The following GFPT2 variants were observed in gnomAD, a reference collection of about 807,000 sequenced individuals.
GFPT2 encodes glutamine--fructose-6-phosphate aminotransferase [isomerizing] 2.
A neutral mutation model predicts 85.6 loss-of-function variants in GFPT2; 62 were observed. The ratio of observed to expected loss-of-function variants is 0.72; its 90% CI spans 0.59 to 0.90. The LOEUF (loss-of-function observed/expected upper bound fraction) is 0.90. Ranked by LOEUF, GFPT2 falls within the 40% of genes least tolerant of loss-of-function variation. The pLI is 0.00. For synonymous variants in GFPT2, 368 were observed against 344.5 expected (o/e 1.07, Z -0.75); for missense variants, 788 against 893.4 (o/e 0.88, Z 1.50).
Position 180,328,067 on chromosome 5 carries a change from GTTTC to G in GFPT2, c.596+206_596+209del, listed in dbSNP as rs1764241199. Among the ~76,000 whole-genome samples the G allele has an allele frequency of 6.8e-6, 1 of 146,760 alleles. No homozygotes were observed. The highest frequency in any genetic ancestry group is 1.5e-5 in the Non-Finnish European group (1 of 65,632). ...TTTCAAACACAAATCCAACTTTCTGGTTTCTTTTTTTTTTTTTTTAATTCAGAAG... is the reference window on the plus strand; with the variant it reads ...TTTCAAACACAAATCCAACTTTCTGGTTTTTTTTTTTTTTTAATTCAGAAG... On this transcript the variant is annotated intron_variant, in intron 7 of 18. Transcript: ENST00000253778. The surrounding 1 kb of genome is among the most constrained non-coding windows in gnomAD (Gnocchi z 5.4).
chr5:180,344,859 A>G (rs1374168396), intron 1 of GFPT2, among the ~76,000 whole-genome samples: 1 of 152,186 alleles, frequency 6.6e-6, no homozygotes, highest in East Asian at 1.9e-4. Context: ...AACGGCCATA[A>G]GAGGGCTGTA....
Position 180,328,441 on chromosome 5 carries a change from G to A in GFPT2, c.535-103C>T. The A allele has an allele frequency of 1.2e-6, 1 of 866,158 alleles. No individual in the cohort carries two copies. The highest frequency in any genetic ancestry group is 2.0e-6 in the Non-Finnish European group (1 of 512,716). The allele number at this position is 866,158 out of a possible 1,614,324, so 53.7% of individuals were successfully genotyped here. On this transcript the variant is annotated intron_variant, in intron 6 of 18. Transcript: ENST00000253778. The surrounding 1 kb of genome is among the most constrained non-coding windows in gnomAD (Gnocchi z 5.4). Reference sequence around the variant, plus strand: ...CCCTGGGCCCCTCCTGATGGCGGGAGGTCCTGGGGTCCCTCGGGGAGCTGA... The same window carrying A: ...CCCTGGGCCCCTCCTGATGGCGGGAAGTCCTGGGGTCCCTCGGGGAGCTGA...
chr5:180,340,108 T>TG (rs1470298647), intron 1 of GFPT2, among the ~76,000 whole-genome samples: 1 of 152,050 alleles, frequency 6.6e-6, no homozygotes, highest in Admixed American at 6.5e-5. Context: ...CAGTGTCTGG[T>TG]GAGGGCCCGT....
intron 1 of GFPT2, among the ~76,000 whole-genome samples, chr5:180,351,454 T>TG (rs1379168148): frequency 6.8e-6 from 1 of 146,334 alleles, no homozygotes; most frequent in African/African-American, 2.5e-5. Context: ...TCAGCAAATC[T>TG]GGGAATTCTG....
intron 15 of GFPT2, 87 bp from the exon 16 acceptor site, chr5:180,307,390 G>T: frequency 7.2e-7 from 1 of 1,380,622 alleles, no homozygotes. Flanking sequence ...GGTTTAAGAG[G>T]AGCTTTTGAA....
chr5:180,318,520 G>A lies in GFPT2; in HGVS notation c.958+273C>T, dbSNP rs1764056166. ...TGAGGGTGGGCATGTGTCCCGCGGA[G>A]TCGGTGAAGGAAGGCAGCTGACACA... On this transcript the variant is annotated intron_variant, in intron 10 of 18. Coordinates refer to ENST00000253778, the MANE Select transcript of GFPT2 (RefSeq NM_005110.4). The surrounding 1 kb of genome is among the most constrained non-coding windows in gnomAD (Gnocchi z 4.2). The A allele has an allele frequency of 2.0e-5, 9 of 450,294 alleles. No individual in the cohort carries two copies. In the South Asian group the frequency reaches 2.0e-4, roughly 10 times the overall value. The allele number at this position is 450,294 out of a possible 1,614,324, so 27.9% of individuals were successfully genotyped here. A position where few individuals can be genotyped will look rare whatever the true frequency, so the allele number is the denominator to read the frequency against.
Position 180,323,387 on chromosome 5 carries a change from T to A in GFPT2, c.794+801A>T, listed in dbSNP as rs1317401963. ...TCCTCCCTGCCTCACAGCACGGCCC[T>A]ATTAGAGGCTGGTCGGGAAAGAGAA... On this transcript the variant is annotated intron_variant, in intron 9 of 18. Coordinates refer to ENST00000253778, the MANE Select transcript of GFPT2 (RefSeq NM_005110.4). This position sits in a 1 kb window ranked among gnomAD's most constrained non-coding sequence, Gnocchi z 4.0. Among the ~76,000 whole-genome samples the A allele has an allele frequency of 6.6e-6, 1 of 152,124 alleles. No individual in the cohort carries two copies. Among genetic ancestry groups the A allele is most frequent in the Non-Finnish European group, 1.5e-5 (1 of 68,026 alleles).
intron 1 of GFPT2, among the ~76,000 whole-genome samples, chr5:180,350,764 T>G (rs1345298146): frequency 6.6e-6 from 1 of 152,148 alleles, no homozygotes; most frequent in Non-Finnish European, 1.5e-5. Flanking sequence ...ACTGAAAGTT[T>G]TTGAGAATCA....
At chr5:180,332,668 G>T (rs2127654450) in intron 4 of GFPT2, among the ~76,000 whole-genome samples, 1 of 152,192 alleles carries the variant, frequency 6.6e-6, no homozygotes, top group Non-Finnish European at 1.5e-5. Flanking sequence ...CTCCCAAGTA[G>T]CTGGAATTGC....
At chr5:180,327,599 C>T (rs879640017) in intron 7 of GFPT2, among the ~76,000 whole-genome samples, 1 of 152,228 alleles carries the variant, frequency 6.6e-6, no homozygotes, top group Non-Finnish European at 1.5e-5. Context: ...CCCTTCAAGG[C>T]AGGGACCAGG....
intron 3 of GFPT2, 49 bp from the exon 4 acceptor site, chr5:180,336,002 C>T (rs936615981): frequency 1.3e-6 from 2 of 1,521,530 alleles, no homozygotes; most frequent in Non-Finnish European, 1.8e-6. Flanking sequence ...CAAGCCTCGA[C>T]CCAGGACTGT....
intron 16 of GFPT2, 32 bp from the exon 17 acceptor site, chr5:180,304,971 TGG>T: frequency 6.7e-7 from 1 of 1,494,178 alleles, no homozygotes. Flanking sequence ...AGAGTCACAC[TGG>T]GCAGATGGGG....
chr5:180,315,281 C>T (rs1763983310), intron 13 of GFPT2, among the ~76,000 whole-genome samples: 1 of 152,000 alleles, frequency 6.6e-6, no homozygotes, highest in Non-Finnish European at 1.5e-5. Context: ...GGGTTCACGC[C>T]ATTCTCCTGC....
chr5:180,306,988 C>G (rs889599121), intron 16 of GFPT2, among the ~76,000 whole-genome samples, 188 bp downstream of exon 16: 3 of 152,242 alleles, frequency 2.0e-5, no homozygotes, highest in African/African-American at 7.2e-5. Context: ...CTGCCTCACC[C>G]ATCTCTGTGT....
At chr5:180,329,913 C>A (rs1764274684) in intron 6 of GFPT2, among the ~76,000 whole-genome samples, 1 of 152,214 alleles carries the variant, frequency 6.6e-6, no homozygotes, top group Non-Finnish European at 1.5e-5. Context: ...GTGCTCCCTT[C>A]TCAGGGACTT....
intron 15 of GFPT2, among the ~76,000 whole-genome samples, chr5:180,308,081 C>G (rs1763813333): frequency 6.6e-6 from 1 of 152,080 alleles, no homozygotes; most frequent in Non-Finnish European, 1.5e-5. Context: ...ATGGTGAGAC[C>G]TGGTATCTAC....
chr5:180,304,190 C>A (rs956163466), intron 17 of GFPT2, among the ~76,000 whole-genome samples: 2 of 152,180 alleles, frequency 1.3e-5, no homozygotes, highest in African/African-American at 4.8e-5. Context: ...AACTAGGGGT[C>A]TCTTCTTTTG....
At chr5:180,320,455 G>C (rs1187671128) in intron 9 of GFPT2, among the ~76,000 whole-genome samples, 2 of 152,150 alleles carry the variant, frequency 1.3e-5, no homozygotes, top group African/African-American at 2.4e-5. Context: ...TAAACCATCA[G>C]GTTGGGCTTG....
chr5:180,307,043 C>G lies in GFPT2; in HGVS notation c.1674+133G>C, dbSNP rs962379947. 4.4e-6 allele frequency: 3 copies of G among 678,420 alleles called. No homozygotes were observed. The South Asian group carries it at 5.6e-5, about 13-fold the overall frequency. The allele number at this position is 678,420 out of a possible 1,614,324, so 42.0% of individuals were successfully genotyped here. ...GTGGAGAGCTGGTGCTCAGCGCAGG[C>G]TCACAGGACTGGCCAAGGGGTCCTT... On this transcript the variant is annotated intron_variant, in intron 16 of 18. Coordinates refer to ENST00000253778, the MANE Select transcript of GFPT2 (RefSeq NM_005110.4).
Sources: gnomAD v4.1 joint callset for allele counts (sites outside exome capture counted in the v4.1 genomes callset) on GRCh38, gnomAD v4.1.1 for gene constraint, Gnocchi (gnomAD v3.1) non-coding constraint, MANE v1.5 for transcripts, NCBI Gene and HGNC (gene_info 2026-07-23, HGNC 2026-07-21) for gene names.